Variants in OPCML observed in about 807,000 individuals in gnomAD.
OPCML encodes the protein opioid binding protein/cell adhesion molecule like, also known as opioid-binding protein/cell adhesion molecule.
OPCML carries 13 observed loss-of-function variants against 37.8 expected under a neutral mutation model. The ratio of observed to expected loss-of-function variants is 0.34; its 90% CI spans 0.22 to 0.55. The LOEUF (loss-of-function observed/expected upper bound fraction) is 0.55, where lower values mean the gene tolerates loss of function less well. Ranked by LOEUF, OPCML falls within the 20% of genes least tolerant of loss-of-function variation. OPCML has a pLI of 0.91. For missense variants in OPCML, 341 were observed against 435.6 expected (o/e 0.78, Z 1.93); for synonymous variants, 176 against 168.8 (o/e 1.04, Z -0.33).
At chr11:132,973,317 A>G (rs565475975) in intron 1 of OPCML, among the ~76,000 whole-genome samples, 44 of 152,262 alleles carry the variant, frequency 2.9e-4, no homozygotes, top group African/African-American at 1.0e-3. Context: ...CAGACATCCC[A>G]TGCTTATACC....
chr11:132,632,738 G>T (rs1340796203), intron 3 of OPCML, among the ~76,000 whole-genome samples: 1 of 151,884 alleles, frequency 6.6e-6, no homozygotes, highest in South Asian at 2.1e-4. Context: ...TGTCATATCC[G>T]CCTTTCAGTT....
chr11:132,752,278 A>AAG lies in OPCML; in HGVS notation c.147-94961_147-94960dup, dbSNP rs567555055. Among the ~76,000 whole-genome samples the AAG allele has an allele frequency of 1.7e-3, 256 of 152,010 alleles. 5 individuals carry two copies. The South Asian group carries it at 0.031, about 19-fold the overall frequency. ...AAAATAAATAAAAAAAAAAAATTAA[A>AAG]AGAGAGAGAGAGAGAAGCAAAACAA... On this transcript the variant is annotated intron_variant, in intron 2 of 7. Transcript: ENST00000524381.
chr11:132,942,729 C>G (rs1945621987), intron 2 of OPCML, among the ~76,000 whole-genome samples, 197 bp downstream of exon 2: 3 of 152,190 alleles, frequency 2.0e-5, no homozygotes, highest in Admixed American at 2.0e-4. Flanking sequence ...GATCCTGGAC[C>G]AGCATAGCCG....
At chr11:132,542,065 T>C (rs2096357915) in intron 3 of OPCML, among the ~76,000 whole-genome samples, 1 of 152,202 alleles carries the variant, frequency 6.6e-6, no homozygotes, top group Admixed American at 6.5e-5. Flanking sequence ...TAGTGATCCT[T>C]GGTTACAGAT....
chr11:133,324,764 A>C (rs1024888392), intron 1 of OPCML, among the ~76,000 whole-genome samples: 5 of 152,216 alleles, frequency 3.3e-5, no homozygotes, highest in Non-Finnish European at 5.9e-5. Context: ...ATCAATGCCA[A>C]TACTTTCTTG....
intron 1 of OPCML, among the ~76,000 whole-genome samples, chr11:133,375,513 C>G (rs1944783183): frequency 6.6e-6 from 1 of 152,186 alleles, no homozygotes; most frequent in Non-Finnish European, 1.5e-5. Flanking sequence ...GACTTGAGAA[C>G]TAAGCTAAGA....
At chr11:132,991,161 G>C (rs748126777) in intron 1 of OPCML, among the ~76,000 whole-genome samples, 1 of 152,120 alleles carries the variant, frequency 6.6e-6, no homozygotes. Flanking sequence ...GTCACACAAG[G>C]CATCTCCCCA....
chr11:133,062,040 A>T (rs945464973), intron 1 of OPCML, among the ~76,000 whole-genome samples: 2 of 152,216 alleles, frequency 1.3e-5, no homozygotes, highest in African/African-American at 2.4e-5. Context: ...CACTGGGTGT[A>T]AAGACACCTT....
chr11:133,503,357 C>T lies in OPCML; in HGVS notation c.61+28907G>A, dbSNP rs910656212. 2.6e-5 allele frequency among the ~76,000 whole-genome samples: 4 copies of T among 152,090 alleles called. No individual in the cohort carries two copies. The South Asian group carries it at 6.2e-4, about 24-fold the overall frequency. On this transcript the variant is annotated intron_variant, in intron 1 of 7. Coordinates refer to ENST00000524381, the MANE Select transcript of OPCML (RefSeq NM_001012393.5). The stretch of plus-strand genomic sequence containing the variant: ...AAGATTTAGAAACATGCAGGGTCAG[C>T]GGAGTTTAAACTCAGCTGGTCAACA...
intron 1 of OPCML, among the ~76,000 whole-genome samples, chr11:133,156,985 G>A (rs944693447): frequency 2.0e-4 from 31 of 151,904 alleles, no homozygotes; most frequent in African/African-American, 6.5e-4. Context: ...CACCCCACAC[G>A]TTTCAGCTCA....
At position 133,181,277 on chromosome 11, in the gene OPCML, C is replaced by A. The variant is rs184526878; in HGVS notation, c.62-238267G>T. On this transcript the variant is annotated intron_variant, in intron 1 of 7. Transcript: ENST00000524381. Reference sequence around the variant, plus strand: ...ACAGCGGTGCACAAGGAAAACCGGGCGAACCTGATTAGGACCAGTGGGTTG... The same window carrying A: ...ACAGCGGTGCACAAGGAAAACCGGGAGAACCTGATTAGGACCAGTGGGTTG... 4.6e-4 allele frequency among the ~76,000 whole-genome samples: 66 copies of A among 144,854 alleles called. 1 individual carries two copies. Among genetic ancestry groups the A allele is most frequent in the Non-Finnish European group, 3.0e-5 (2 of 67,066 alleles).
intron 1 of OPCML, among the ~76,000 whole-genome samples, chr11:133,311,567 T>C (rs1943068073): frequency 6.6e-6 from 1 of 152,042 alleles, no homozygotes; most frequent in Non-Finnish European, 1.5e-5. Context: ...AAACTCTAAA[T>C]AGGAAGACAG....
At chr11:133,307,611 C>A (rs1332311919) in intron 1 of OPCML, among the ~76,000 whole-genome samples, 1 of 152,136 alleles carries the variant, frequency 6.6e-6, no homozygotes, top group African/African-American at 2.4e-5. Context: ...TCTGACCCTC[C>A]ATATTAGACC....
intron 1 of OPCML, among the ~76,000 whole-genome samples, chr11:133,155,913 T>A (rs527260193): frequency 6.6e-6 from 1 of 152,242 alleles, no homozygotes; most frequent in Non-Finnish European, 1.5e-5. Flanking sequence ...ATCCTGACCT[T>A]TGTACCTACT....
chr11:133,240,880 C>T (rs1167425991), intron 1 of OPCML, among the ~76,000 whole-genome samples: 1 of 152,232 alleles, frequency 6.6e-6, no homozygotes, highest in African/African-American at 2.4e-5. Context: ...AAAACAAAGT[C>T]AGCACCCGTG....
At chr11:133,114,236 C>T (rs1215086944) in intron 1 of OPCML, among the ~76,000 whole-genome samples, 1 of 152,330 alleles carries the variant, frequency 6.6e-6, no homozygotes, top group East Asian at 1.9e-4. Flanking sequence ...AAGGCACCCA[C>T]AGCCAGACTC....
In OPCML at chr11:132,907,617, G is replaced by A. The variant is rs752229223; in HGVS notation, c.146+35309C>T. ...CTGCACTCCAGCCTGGTGACAGAGC[G>A]AAACTCTGTCTCAAAAAAAAAAAAA... On this transcript the variant is annotated intron_variant, in intron 2 of 7. Coordinates refer to ENST00000524381, the MANE Select transcript of OPCML (RefSeq NM_001012393.5). Among the ~76,000 whole-genome samples, 7 of 142,156 alleles carry A rather than the reference G, an allele frequency of 4.9e-5. No individual in the cohort carries two copies. The South Asian group carries it at 9.1e-4, about 18-fold the overall frequency. 93.3% of individuals were successfully genotyped at this position (142,156 alleles called of 152,430 possible). A position where few individuals can be genotyped will look rare whatever the true frequency, so the allele number is the denominator to read the frequency against.
intron 4 of OPCML, among the ~76,000 whole-genome samples, chr11:132,480,525 A>G (rs2096175895): frequency 6.6e-6 from 1 of 152,182 alleles, no homozygotes; most frequent in Non-Finnish European, 1.5e-5. Flanking sequence ...AGAACACCAC[A>G]AAGATACTCC....
In OPCML at chr11:133,041,631, G is replaced by A. The variant is rs150769095; in HGVS notation, c.62-98621C>T. On this transcript the variant is annotated intron_variant, in intron 1 of 7. Coordinates refer to ENST00000524381, the MANE Select transcript of OPCML (RefSeq NM_001012393.5). ...CTCTTAACTCTAAGATGACTTTTTC[G>A]TGTTTTTCAAAGGAAACATCCTATA... Among the ~76,000 whole-genome samples the A allele has an allele frequency of 4.2e-3, 642 of 152,210 alleles. 5 individuals are homozygous for A. Among genetic ancestry groups the A allele is most frequent in the African/African-American group, 0.014 (567 of 41,524 alleles).
Sources: gnomAD v4.1 joint callset for allele counts (sites outside exome capture counted in the v4.1 genomes callset) on GRCh38, gnomAD v4.1.1 for gene constraint, MANE v1.5 for transcripts, NCBI Gene and HGNC (gene_info 2026-07-23, HGNC 2026-07-21) for gene names.